The following SCN3A variants were observed in gnomAD, a reference collection of about 807,000 sequenced individuals.
SCN3A encodes the protein sodium voltage-gated channel alpha subunit 3.
SCN3A carries 60 observed loss-of-function variants against 187.6 expected under a neutral mutation model. The observed-to-expected ratio is 0.32, with a 90% confidence interval of 0.26 to 0.40. The LOEUF (loss-of-function observed/expected upper bound fraction) is 0.40, where lower values mean the gene tolerates loss of function less well. Among genes scored for constraint, SCN3A ranks in the 10% least tolerant of loss-of-function variants. The pLI is 1.00. For synonymous variants in SCN3A, 788 were observed against 829.2 expected, an observed-to-expected ratio of 0.95 and a Z score of 0.85; for missense variants, 1,601 against 2,428.2, an observed-to-expected ratio of 0.66 and a Z score of 7.16.
chr2:165,102,134 A>G (rs73969179), intron 21 of SCN3A, among the ~76,000 whole-genome samples: 34,949 of 152,186 alleles, frequency 0.23, 3,929 homozygotes, highest in Middle Eastern at 0.27. Context: ...TCCCAACAAA[A>G]TCCTTTATTT....
At chr2:165,145,156 A>G (rs1315244460) in intron 12 of SCN3A, among the ~76,000 whole-genome samples, 1 of 152,150 alleles carries the variant, frequency 6.6e-6, no homozygotes, top group Non-Finnish European at 1.5e-5. Context: ...ACAAAGTACA[A>G]GTGACTTGAC....
rs147539071 is a variant in SCN3A at position 165,087,588 on chromosome 2, C to T, written c.*2562G>A. ...AAATACATATTTAGATCCAAATTGT[C>T]TTTAAAAATATGCATTACAACTGGA... On this transcript the variant is annotated 3_prime_UTR_variant, in exon 28 of 28. Coordinates refer to ENST00000283254, the MANE Select transcript of SCN3A (RefSeq NM_006922.4). The T allele has an allele frequency of 6.6e-6, 1 of 151,922 alleles. No homozygotes were observed. The highest frequency in any genetic ancestry group is 1.5e-5 in the Non-Finnish European group (1 of 67,984). 9.4% of individuals were successfully genotyped at this position (151,922 alleles called of 1,614,324 possible).
At chr2:165,127,064 G>T (rs1418183885) in intron 18 of SCN3A, among the ~76,000 whole-genome samples, 2 of 152,012 alleles carry the variant, frequency 1.3e-5, no homozygotes, top group Non-Finnish European at 2.9e-5. Context: ...TTTTTGGAAG[G>T]CTACTTTTTT....
At chr2:165,196,750 T>TA (rs1176002544) in intron 1 of SCN3A, among the ~76,000 whole-genome samples, 23 of 152,182 alleles carry the variant, frequency 1.5e-4, no homozygotes, top group Non-Finnish European at 2.6e-4. Flanking sequence ...ATTTTGGCTT[T>TA]AAAAAATATG....
chr2:165,168,681 A>T (rs1689928026), intron 5 of SCN3A, 55 bp downstream of exon 5: 13 of 1,188,978 alleles, frequency 1.1e-5, no homozygotes. Flanking sequence ...CCACAAGGAG[A>T]TTGCTAGAGA....
chr2:165,161,434 A>AC (rs1689391585), intron 9 of SCN3A, among the ~76,000 whole-genome samples: 18 of 151,440 alleles, frequency 1.2e-4, no homozygotes, highest in Admixed American at 1.1e-3. Context: ...CTATGCTCTT[A>AC]CCCCCTACAT....
chr2:165,187,943 T>C (rs911093202), intron 1 of SCN3A, among the ~76,000 whole-genome samples: 1 of 152,236 alleles, frequency 6.6e-6, no homozygotes. Flanking sequence ...GTTATTTCCC[T>C]TGTCTTCATA....
rs115463703 is a variant in SCN3A at position 165,165,627 on chromosome 2, A to G, written c.474-1107T>C. Among the ~76,000 whole-genome samples the G allele has an allele frequency of 4.9e-3, 744 of 152,292 alleles. 13 individuals are homozygous for G. Among genetic ancestry groups the G allele is most frequent in the African/African-American group, 0.017 (708 of 41,568 alleles). ...GTTTTTCAACATTGTGTTCTTTAAA[A>G]GCACAATTTAAGTTTATTTTTCAGA... On this transcript the variant is annotated intron_variant, in intron 5 of 27. Transcript: ENST00000283254.
chr2:165,090,125 C>G lies in SCN3A; in HGVS notation c.*25G>C. On this transcript the variant is annotated 3_prime_UTR_variant, in exon 28 of 28. Transcript: ENST00000283254. This position sits in a 1 kb window ranked among gnomAD's most constrained non-coding sequence, Gnocchi z 4.0. The stretch of plus-strand genomic sequence containing the variant: ...CCTTCATAGGCTGTAAACAATTGAT[C>G]ACAAAGATAATTCTTTGTTTCTTTT... 1 of 1,556,178 alleles carries G rather than the reference C, an allele frequency of 6.4e-7. No individual in the cohort carries two copies. The highest frequency in any genetic ancestry group is 8.7e-7 in the Non-Finnish European group (1 of 1,148,484).
intron 15 of SCN3A, among the ~76,000 whole-genome samples, chr2:165,135,381 T>C (rs1342256252): frequency 6.6e-6 from 1 of 152,110 alleles, no homozygotes; most frequent in Non-Finnish European, 1.5e-5. Context: ...ATGGGGCATA[T>C]TGATCTAAGT....
intron 21 of SCN3A, among the ~76,000 whole-genome samples, chr2:165,110,500 T>C (rs1686063910): frequency 6.6e-6 from 1 of 152,246 alleles, no homozygotes; most frequent in African/African-American, 2.4e-5. Context: ...CTTCATTGAT[T>C]GCTTCCTTTC....
In SCN3A at chr2:165,097,255, T is replaced by C. The variant is rs551837418; in HGVS notation, c.4236A>G (p.Gln1412=). ...AACTCGTACAGTAGCCACTTACCAC[T>C]TGAAGCAGTGCAAGATAGCCAGCGC... ...NVGAGYLALL[Q]VATFKGWMDI... is the part of the protein sequence containing the mutation. Residue 1412 remains glutamine (Q), a synonymous_variant, in exon 23 of 28, where the codon CAA becomes CAG. Coordinates refer to ENST00000283254, the MANE Select transcript of SCN3A (RefSeq NM_006922.4). 1.7e-5 allele frequency: 28 copies of C among 1,614,112 alleles called. No homozygotes were observed. The Admixed American group carries it at 3.0e-4, about 17-fold the overall frequency.
Position 165,094,429 on chromosome 2 carries a change from T to C in SCN3A, c.4481A>G (p.Asn1494Ser), listed in dbSNP as rs145699902. 1.2e-6 allele frequency: 2 copies of C among 1,613,694 alleles called. No individual in the cohort carries two copies. The highest frequency in any genetic ancestry group is 1.3e-5 in the African/African-American group (1 of 74,898). The change falls in exon 26 of 28, where the codon AAT becomes AGT. Residue 1494 changes from asparagine (N) to serine (S), a missense_variant. Asn to Ser is a conservative substitution (Grantham distance 46, BLOSUM62 1). Around this residue, in one of 11 missense-constraint regions of SCN3A, gnomAD observed 320 missense variants for 623.2 expected, o/e 0.51. Coordinates refer to ENST00000283254, the MANE Select transcript of SCN3A (RefSeq NM_006922.4). Reference sequence around the variant, plus strand: ...CTTGGATCCAAGTTTCTTCATTGCATTGTAATATTTTTTCTGTTCCTCTGT... The same window carrying C: ...CTTGGATCCAAGTTTCTTCATTGCACTGTAATATTTTTTCTGTTCCTCTGT... ...FMTEEQKKYYNAMKKLGSKKP... is the reference protein window; with the variant it reads ...FMTEEQKKYYSAMKKLGSKKP...
rs1159326316 is a variant in SCN3A, at chr2:165,140,643, A to G, written c.2019+8T>C. On this transcript the variant is annotated splice_region_variant and intron_variant, in intron 13 of 27. Transcript: ENST00000283254. The surrounding 1 kb of genome is among the most constrained non-coding windows in gnomAD (Gnocchi z 4.2). ...AATGTCAGTAGCAGCTAGGTCATCT[A>G]TTATCACCTCTGGGGGAAGTTGTCC... is the stretch of plus-strand genomic sequence containing the variant. The G allele has an allele frequency of 3.7e-6, 6 of 1,610,304 alleles. No individual in the cohort carries two copies. In the African/African-American group the frequency reaches 4.0e-5, roughly 11 times the overall value.
intron 12 of SCN3A, among the ~76,000 whole-genome samples, chr2:165,145,170 C>T (rs1978883): frequency 4.6e-5 from 7 of 152,050 alleles, no homozygotes; most frequent in South Asian, 4.2e-4. Context: ...ACTTGACCAA[C>T]GTCACAGAAC....
At chr2:165,183,983 A>C (rs1413685374) in intron 2 of SCN3A, among the ~76,000 whole-genome samples, 1 of 152,194 alleles carries the variant, frequency 6.6e-6, no homozygotes, top group Non-Finnish European at 1.5e-5. Context: ...TATCTACAAG[A>C]GACTATTATA....
intron 2 of SCN3A, among the ~76,000 whole-genome samples, chr2:165,181,212 C>A (rs531450167): frequency 6.6e-6 from 1 of 152,090 alleles, no homozygotes; most frequent in Non-Finnish European, 1.5e-5. Flanking sequence ...AGAATTTTCA[C>A]GCATATGTGT....
intron 2 of SCN3A, among the ~76,000 whole-genome samples, chr2:165,185,801 T>C (rs1252604277): frequency 1.3e-5 from 2 of 152,110 alleles, no homozygotes; most frequent in African/African-American, 4.8e-5. Context: ...CTTGACCAAT[T>C]CAGAAGCCAG....
chr2:165,116,943 A>ATTTTTTT (rs11395597), intron 18 of SCN3A, among the ~76,000 whole-genome samples: 2 of 118,192 alleles, frequency 1.7e-5, no homozygotes, highest in East Asian at 2.5e-4. Flanking sequence ...TGATAGCACA[A>ATTTTTTT]TTTTTTTTTT....
Sources: gnomAD v4.1 joint callset for allele counts (sites outside exome capture counted in the v4.1 genomes callset) on GRCh38, gnomAD v4.1.1 for gene constraint, gnomAD v4.1.1 regional missense constraint, Gnocchi (gnomAD v3.1) non-coding constraint, MANE v1.5 for transcripts, NCBI Gene and HGNC (gene_info 2026-07-23, HGNC 2026-07-21) for gene names.